TRDN: variants seen among roughly 807,000 people sequenced by gnomAD.
TRDN encodes the protein triadin, also known as triadin in skeletal muscle.
In TRDN, 161 loss-of-function variants were observed where a neutral mutation model predicts 149.7. The observed-to-expected ratio is 1.08, with a 90% CI of 0.95 to 1.23. The LOEUF (loss-of-function observed/expected upper bound fraction) is 1.23. TRDN is among the 50% of genes most tolerant of loss of function. TRDN has a pLI of 0.00. For synonymous variants in TRDN, 294 were observed against 250.5 expected, an observed-to-expected ratio of 1.17 and a Z score of -1.64; for missense variants, 896 against 823.5, an observed-to-expected ratio of 1.09 and a Z score of -1.08.
At chr6:123,502,773 T>C in intron 8 of TRDN, 1 of 985,194 alleles carries the variant, frequency 1.0e-6, no homozygotes, top group Non-Finnish European at 1.2e-6. Flanking sequence ...TCAAAAGTGC[T>C]ACAAAGTAAA....
chr6:123,417,515 T>C (rs766962508), intron 12 of TRDN, among the ~76,000 whole-genome samples: 23 of 152,150 alleles, frequency 1.5e-4, no homozygotes, highest in Non-Finnish European at 3.2e-4. Flanking sequence ...AGAAATATGG[T>C]CAAAGGGGCT....
chr6:123,343,638 T>G (rs754143775), intron 21 of TRDN, among the ~76,000 whole-genome samples: 33 of 152,016 alleles, frequency 2.2e-4, no homozygotes, highest in Non-Finnish European at 4.0e-4. Flanking sequence ...CTTCGAGATT[T>G]CCGTGCACTC....
chr6:123,481,827 C>T (rs1219576604), intron 9 of TRDN, among the ~76,000 whole-genome samples: 1 of 152,126 alleles, frequency 6.6e-6, no homozygotes, highest in Non-Finnish European at 1.5e-5. Flanking sequence ...AGGCCAGGCT[C>T]TTTGTAAATT....
intron 24 of TRDN, among the ~76,000 whole-genome samples, chr6:123,298,503 T>A (rs765038481): frequency 2.6e-5 from 4 of 152,052 alleles, no homozygotes; most frequent in Non-Finnish European, 4.4e-5. Flanking sequence ...TCCCTTTACA[T>A]TCTAATTGCA....
intron 2 of TRDN, among the ~76,000 whole-genome samples, chr6:123,570,508 C>CT (rs1782515136): frequency 6.6e-6 from 1 of 152,142 alleles, no homozygotes; most frequent in Non-Finnish European, 1.5e-5. Context: ...CTTAAAAATA[C>CT]TTTAAAATAT....
chr6:123,386,491 C>T (rs1049053539), intron 14 of TRDN, among the ~76,000 whole-genome samples: 4 of 152,140 alleles, frequency 2.6e-5, no homozygotes, highest in Non-Finnish European at 5.9e-5. Flanking sequence ...TGCACATATC[C>T]ATACAGGCCA....
intron 24 of TRDN, among the ~76,000 whole-genome samples, chr6:123,315,395 A>G (rs1047736519): frequency 1.3e-5 from 2 of 151,944 alleles, no homozygotes; most frequent in African/African-American, 4.8e-5. Context: ...ATATAAAATT[A>G]CTTTAAATGG....
intron 38 of TRDN, among the ~76,000 whole-genome samples, chr6:123,236,149 C>A (rs1582756023): frequency 6.6e-6 from 1 of 152,250 alleles, no homozygotes; most frequent in East Asian, 1.9e-4. Context: ...CTGGTTGTTT[C>A]AAATGCTTGC....
intron 10 of TRDN, among the ~76,000 whole-genome samples, chr6:123,449,046 C>T (rs1775593184): frequency 6.6e-6 from 1 of 152,158 alleles, no homozygotes; most frequent in Non-Finnish European, 1.5e-5. Flanking sequence ...AGAGAACACC[C>T]TAGGGGACAA....
chr6:123,630,429 T>A (rs1479286238), intron 1 of TRDN, among the ~76,000 whole-genome samples: 1 of 152,034 alleles, frequency 6.6e-6, no homozygotes, highest in African/African-American at 2.4e-5. Context: ...TTCTCTCATA[T>A]TAAATATTGT....
At chr6:123,580,398 C>CA (rs751082058) in intron 1 of TRDN, among the ~76,000 whole-genome samples, 9 of 151,980 alleles carry the variant, frequency 5.9e-5, no homozygotes, top group Non-Finnish European at 1.0e-4. Context: ...TTAGAACCCC[C>CA]AAAAAACACT....
chr6:123,222,129 G>T (rs542124363), intron 39 of TRDN, among the ~76,000 whole-genome samples: 3 of 151,610 alleles, frequency 2.0e-5, no homozygotes, highest in Non-Finnish European at 4.4e-5. Context: ...TTCTTAACTG[G>T]TATCCACGAA....
At chr6:123,341,923 T>G (rs1457464665) in intron 21 of TRDN, among the ~76,000 whole-genome samples, 2 of 152,042 alleles carry the variant, frequency 1.3e-5, no homozygotes, top group Non-Finnish European at 2.9e-5. Context: ...CTAGTCTTTT[T>G]GATAAGCTCT....
chr6:123,328,068 C>T (rs139504288), intron 23 of TRDN, among the ~76,000 whole-genome samples: 1,559 of 152,278 alleles, frequency 0.01, 14 homozygotes, highest in Non-Finnish European at 0.015. Context: ...ATATTTTCCA[C>T]ATTTTCTCCA....
At chr6:123,397,047 G>GAA (rs5879676) in intron 12 of TRDN, among the ~76,000 whole-genome samples, 401 of 148,002 alleles carry the variant, frequency 2.7e-3, no homozygotes, top group African/African-American at 8.6e-3. Context: ...TCCCATCTCT[G>GAA]AAAAAAAAAA....
intron 4 of TRDN, among the ~76,000 whole-genome samples, chr6:123,544,015 T>C (rs949005402): frequency 6.6e-6 from 1 of 152,066 alleles, no homozygotes; most frequent in African/African-American, 2.4e-5. Flanking sequence ...CTTTAGACTA[T>C]AAGAATCTAA....
At chr6:123,548,658 T>G in intron 2 of TRDN, 46 bp from the exon 3 acceptor site, 4 of 1,296,818 alleles carry the variant, frequency 3.1e-6, no homozygotes, top group Non-Finnish European at 3.9e-6. Context: ...TTGTGATCAT[T>G]TCCAAATAAC....
intron 5 of TRDN, among the ~76,000 whole-genome samples, chr6:123,519,194 A>T (rs1562360934): frequency 6.6e-6 from 1 of 152,188 alleles, no homozygotes; most frequent in Non-Finnish European, 1.5e-5. Flanking sequence ...TATGCTGATA[A>T]TTAAAAACAA....
chr6:123,512,875 G>A (rs1430800174), intron 6 of TRDN, among the ~76,000 whole-genome samples: 1 of 152,078 alleles, frequency 6.6e-6, no homozygotes, highest in Non-Finnish European at 1.5e-5. Context: ...GCACTGATTT[G>A]TTAGAGGAAA....
Sources: allele counts gnomAD v4.1 joint callset (sites outside exome capture counted in the v4.1 genomes callset), GRCh38; gene constraint gnomAD v4.1.1; transcripts MANE v1.5; gene names NCBI Gene and HGNC (gene_info 2026-07-23, HGNC 2026-07-21).